The following PTCH1 variants were observed in gnomAD, a reference collection of about 807,000 sequenced individuals.
The protein encoded by PTCH1 is patched 1, also known as protein patched homolog 1.
PTCH1 carries 14 observed loss-of-function variants against 144.6 expected under a neutral mutation model. That is an observed-to-expected ratio of 0.10 (90% CI 0.06 to 0.15). The LOEUF (loss-of-function observed/expected upper bound fraction) is 0.15, where lower values mean the gene tolerates loss of function less well. Ranked by LOEUF, PTCH1 falls within the 10% of genes least tolerant of loss-of-function variation. The pLI is 1.00. For synonymous variants in PTCH1, 833 were observed against 793.6 expected (o/e 1.05, Z -0.83); for missense variants, 1,623 against 1,948.3 (o/e 0.83, Z 3.14).
At chr9:95,446,597 G>T in intron 23 of PTCH1, 1 of 482,494 alleles carries the variant, frequency 2.1e-6, no homozygotes. Flanking sequence ...TGACCAATTC[G>T]CTGTGGCATG....
chr9:95,516,818 C>A (rs1435153112), exon 1 of PTCH1: 8 of 1,601,146 alleles, frequency 5.0e-6, no homozygotes, highest in South Asian at 1.1e-5. Flanking sequence ...TAAGCAGTTC[C>A]ATGGCCCTCG....
exon 1 of PTCH1, chr9:95,516,827 C>CGGCGT: frequency 1.3e-6 from 2 of 1,594,616 alleles, no homozygotes; most frequent in Non-Finnish European, 1.7e-6. Context: ...CCATGGCCCT[C>CGGCGT]GGCGTGGGTG....
chr9:95,506,234 T>C (rs1230183562), intron 2 of PTCH1, 173 bp downstream of exon 2: 5 of 726,292 alleles, frequency 6.9e-6, no homozygotes, highest in Admixed American at 3.1e-5. Flanking sequence ...GCGCGGCCTT[T>C]GTCGGGCGGG....
rs758487789 is a variant in PTCH1, at chr9:95,468,927, C to T, written c.2074G>A (p.Val692Met). 3.6e-5 allele frequency: 58 copies of T among 1,613,916 alleles called. No individual in the cohort carries two copies. In the Middle Eastern group the frequency reaches 9.9e-4, roughly 27 times the overall value. ...RSEISVQPVT[V>M]TQDTLSCQSP... ...TGGCAGCTGAGGGTGTCCTGTGTCACGGTGACGGGCTGCACAGAGATCTCG... is the reference window on the plus strand; with the variant it reads ...TGGCAGCTGAGGGTGTCCTGTGTCATGGTGACGGGCTGCACAGAGATCTCG... Residue 692 changes from valine (V) to methionine (M), a missense_variant, in exon 14 of 24, where the codon GTG becomes ATG. By Grantham distance (21) the Val-to-Met change is conservative (BLOSUM62 1). Transcript: ENST00000331920.
intron 2 of PTCH1, among the ~76,000 whole-genome samples, chr9:95,505,872 C>T (rs1226507326): frequency 6.7e-6 from 1 of 149,016 alleles, no homozygotes; most frequent in Non-Finnish European, 1.5e-5. Context: ...CTCCGCAGCC[C>T]CGCGCTGCGC....
chr9:95,513,433 T>C (rs1366137582), upstream of PTCH1, among the ~76,000 whole-genome samples: 3 of 152,176 alleles, frequency 2.0e-5, no homozygotes, highest in Non-Finnish European at 2.9e-5. Context: ...AGTATTTTTG[T>C]TGAGAGGGTC....
In PTCH1 at chr9:95,456,301, A is replaced by G. The variant is rs1838918621; in HGVS notation, c.3281T>C (p.Val1094Ala). The stretch of plus-strand genomic sequence containing the variant: ...CAAAGCAACGTGAACGGTGAACTCC[A>G]CTCCTATGCCAACAGAAGCGATCAG... ...VILIASVGIGVEFTVHVALAF... is the reference protein window; with the variant it reads ...VILIASVGIGAEFTVHVALAF... The change falls in exon 19 of 24, where the codon GTG becomes GCG. Residue 1094 changes from valine to alanine, a missense_variant. Physicochemically the swap from Val to Ala is moderately conservative, Grantham distance 64. Coordinates refer to ENST00000331920, the MANE Select transcript of PTCH1 (RefSeq NM_000264.5). 1.2e-6 allele frequency: 2 copies of G among 1,613,840 alleles called. No homozygotes were observed. Among genetic ancestry groups the G allele is most frequent in the Non-Finnish European group, 1.7e-6 (2 of 1,179,998 alleles).
chr9:95,509,425 A>G (rs1040379524), upstream of PTCH1, among the ~76,000 whole-genome samples: 2 of 152,192 alleles, frequency 1.3e-5, no homozygotes, highest in Non-Finnish European at 2.9e-5. Context: ...TCACCAAAGT[A>G]GAGAGACCAC....
rs749782161 is a variant in PTCH1, at chr9:95,468,705, GTTA to G, written c.2250+43_2250+45del. 6.8e-5 allele frequency: 109 copies of G among 1,601,806 alleles called. 1 individual carries two copies. The highest frequency in any genetic ancestry group is 1.1e-5 in the South Asian group (1 of 90,400). The stretch of plus-strand genomic sequence containing the variant: ...CAATCTGATGAACTCCAAAGGTTCT[GTTA>G]TTTTTTTGAAGACAGGAAGAGCCTT... On this transcript the variant is annotated intron_variant, in intron 14 of 23. Coordinates refer to ENST00000331920, the MANE Select transcript of PTCH1 (RefSeq NM_000264.5).
upstream of PTCH1, among the ~76,000 whole-genome samples, chr9:95,513,459 T>C (rs917301438): frequency 6.6e-6 from 1 of 152,138 alleles, no homozygotes; most frequent in Non-Finnish European, 1.5e-5. Flanking sequence ...GAGAGAGGAA[T>C]TGGGGATTTG....
chr9:95,446,948 T>C lies in PTCH1; in HGVS notation c.4308A>G (p.Glu1436=), dbSNP rs1352453918. Residue 1436 remains glutamate, a synonymous_variant, in exon 23 of 24, where the codon GAA becomes GAG. Coordinates refer to ENST00000331920, the MANE Select transcript of PTCH1 (RefSeq NM_000264.5). The stretch of plus-strand genomic sequence containing the variant: ...TGCTTCCCCGGGGCCTCTCCTCGCA[T>C]TCCACGTCCTGCAGCTCAATGACTT... The part of the protein sequence containing the change: ...KVEVIELQDV[E]CEERPRGSSS... 4 of 1,614,054 alleles carry C rather than the reference T, an allele frequency of 2.5e-6. No homozygotes were observed. Among genetic ancestry groups the C allele is most frequent in the Non-Finnish European group, 3.4e-6 (4 of 1,180,034 alleles).
At chr9:95,492,101 C>T (rs1292744405) in intron 2 of PTCH1, among the ~76,000 whole-genome samples, 3 of 152,220 alleles carry the variant, frequency 2.0e-5, no homozygotes, top group African/African-American at 7.2e-5. Context: ...CCCTACACAA[C>T]CCACTCCCTG....
chr9:95,458,088 G>C lies in PTCH1; in HGVS notation c.3093C>G (p.Phe1031Leu). 1.2e-6 allele frequency: 2 copies of C among 1,614,234 alleles called. No individual in the cohort carries two copies. Among genetic ancestry groups the C allele is most frequent in the Non-Finnish European group, 1.7e-6 (2 of 1,180,040 alleles). Reference sequence around the variant, plus strand: ...ATGTGCAGGCCAACACCACGCTGATGAACAGCAGCAGCCAGTGGCGGAGGC... The same window carrying C: ...ATGTGCAGGCCAACACCACGCTGATCAACAGCAGCAGCCAGTGGCGGAGGC... Reference protein sequence around the residue: ...YIGLRHWLLLFISVVLACTFL... With the variant: ...YIGLRHWLLLLISVVLACTFL... The change falls in exon 18 of 24, where the codon TTC becomes TTG. Residue 1031 changes from phenylalanine to leucine, a missense_variant. Phe to Leu is a conservative substitution (Grantham distance 22). Coordinates refer to ENST00000331920, the MANE Select transcript of PTCH1 (RefSeq NM_000264.5). This position sits in a 1 kb window ranked among gnomAD's most constrained non-coding sequence, Gnocchi z 4.7.
At chr9:95,490,961 T>C (rs538494041) in intron 2 of PTCH1, among the ~76,000 whole-genome samples, 1 of 152,360 alleles carries the variant, frequency 6.6e-6, no homozygotes, top group African/African-American at 2.4e-5. Flanking sequence ...CATATGCTTA[T>C]ATCAAAACAT....
At chr9:95,492,701 A>T (rs548139658) in intron 2 of PTCH1, among the ~76,000 whole-genome samples, 1 of 151,882 alleles carries the variant, frequency 6.6e-6, no homozygotes, top group East Asian at 1.9e-4. Flanking sequence ...AGGGATACTC[A>T]ACCTGTATTA....
At chr9:95,505,976 C>A (rs1281199001) in intron 2 of PTCH1, among the ~76,000 whole-genome samples, 1 of 147,834 alleles carries the variant, frequency 6.8e-6, no homozygotes, top group Non-Finnish European at 1.5e-5. Flanking sequence ...CTCCCCGACT[C>A]CTTTTTCTTT....
At chr9:95,504,278 T>C (rs1225428391) in intron 2 of PTCH1, among the ~76,000 whole-genome samples, 1 of 152,096 alleles carries the variant, frequency 6.6e-6, no homozygotes, top group Non-Finnish European at 1.5e-5. Flanking sequence ...AGAAAAACTT[T>C]ACTCCCTCTC....
At position 95,469,016 on chromosome 9, in the gene PTCH1, A is replaced by G. The variant is rs756263511; in HGVS notation, c.1985T>C (p.Val662Ala). Residue 662 changes from valine (V) to alanine (A), a missense_variant, in exon 14 of 24, where the codon GTC becomes GCC. Physicochemically the swap from Val to Ala is moderately conservative, Grantham distance 64 (BLOSUM62 0). Coordinates refer to ENST00000331920, the MANE Select transcript of PTCH1 (RefSeq NM_000264.5). ...HETQITMQSTVQLRTEYDPHT... is the reference protein window; with the variant it reads ...HETQITMQSTAQLRTEYDPHT... Reference sequence around the variant, plus strand: ...GGGGTCGTACTCCGTGCGGAGCTGGACAGTGGACTGCATGGTAATCTGCGT... The same window carrying G: ...GGGGTCGTACTCCGTGCGGAGCTGGGCAGTGGACTGCATGGTAATCTGCGT... 6.2e-7 allele frequency: 1 copy of G among 1,613,970 alleles called. No homozygotes were observed.
intron 5 of PTCH1, among the ~76,000 whole-genome samples, chr9:95,481,622 TA>T (rs1243180872): frequency 9.9e-5 from 15 of 152,216 alleles, no homozygotes; most frequent in Non-Finnish European, 1.3e-4. Flanking sequence ...AATAAGTGTC[TA>T]AATGCCTCGT....
Sources: allele counts gnomAD v4.1 joint callset (sites outside exome capture counted in the v4.1 genomes callset), GRCh38; gene constraint gnomAD v4.1.1; non-coding constraint Gnocchi (gnomAD v3.1); transcripts MANE v1.5; gene names NCBI Gene and HGNC (gene_info 2026-07-23, HGNC 2026-07-21).